MYO3A: variants seen among roughly 807,000 people sequenced by gnomAD.
MYO3A encodes the protein myosin-IIIa.
A neutral mutation model predicts 192.7 loss-of-function variants in MYO3A; 180 were observed. The observed-to-expected ratio is 0.93, with a 90% CI of 0.83 to 1.06. The LOEUF (loss-of-function observed/expected upper bound fraction) is 1.06, where lower values mean the gene tolerates loss of function less well. Ranked by LOEUF, MYO3A falls within the 50% of genes least tolerant of loss-of-function variation. The pLI is 0.00. For missense variants in MYO3A, 1,896 were observed against 1,905.0 expected (o/e 1.00, Z 0.09); for synonymous variants, 628 against 645.3 (o/e 0.97, Z 0.41).
At chr10:25,962,228 T>A (rs975168030) in intron 4 of MYO3A, among the ~76,000 whole-genome samples, 1 of 152,150 alleles carries the variant, frequency 6.6e-6, no homozygotes, top group African/African-American at 2.4e-5. Context: ...TCTGATATGA[T>A]TTTTCTCTTT....
In MYO3A at chr10:26,120,789, A is replaced by G; in HGVS notation, c.1890A>G (p.Thr630=). The G allele has an allele frequency of 1.9e-6, 3 of 1,614,128 alleles. No individual in the cohort carries two copies. Among genetic ancestry groups the G allele is most frequent in the Non-Finnish European group, 2.5e-6 (3 of 1,180,002 alleles). ...ACAAGAGCCACATTTCTAATCATAC[A>G]GCCCTGGAGAACTGTAAGTTTTATT... ...QIDKSHISNH[T]ALENCASLLC... The change falls in exon 18 of 35, where the codon ACA becomes ACG. Residue 630 remains threonine, a synonymous_variant. Transcript: ENST00000642920.
At chr10:26,006,337 C>A (rs1009400343) in intron 6 of MYO3A, among the ~76,000 whole-genome samples, 5 of 151,994 alleles carry the variant, frequency 3.3e-5, no homozygotes, top group Non-Finnish European at 1.5e-5. Flanking sequence ...AAGCAAGAGC[C>A]AACACATTCA....
At chr10:26,152,323 A>G (rs1840842321) in intron 23 of MYO3A, among the ~76,000 whole-genome samples, 1 of 152,256 alleles carries the variant, frequency 6.6e-6, no homozygotes, top group African/African-American at 2.4e-5. Flanking sequence ...ACTCCTAATA[A>G]CAACACAATA....
chr10:25,986,136 CA>C (rs1588706287), intron 4 of MYO3A, among the ~76,000 whole-genome samples: 2 of 152,190 alleles, frequency 1.3e-5, no homozygotes, highest in East Asian at 3.9e-4. Flanking sequence ...GCAGAAAAAG[CA>C]TTTGACAAAA....
chr10:26,099,778 A>G (rs1027026860), intron 17 of MYO3A, among the ~76,000 whole-genome samples: 8 of 152,168 alleles, frequency 5.3e-5, no homozygotes, highest in Admixed American at 2.0e-4. Context: ...ATCATGGTGG[A>G]TAAGCTTTTT....
At chr10:26,157,853 TCAAAA>T (rs1841237423) in intron 26 of MYO3A, among the ~76,000 whole-genome samples, 1 of 152,132 alleles carries the variant, frequency 6.6e-6, no homozygotes, top group Non-Finnish European at 1.5e-5. Context: ...ATTTTGCCCC[TCAAAA>T]GACACTTGGC....
intron 31 of MYO3A, among the ~76,000 whole-genome samples, chr10:26,179,732 AG>A (rs1842527137): frequency 6.6e-6 from 1 of 152,242 alleles, no homozygotes; most frequent in Non-Finnish European, 1.5e-5. Context: ...TGAGAAAAAA[AG>A]AAAGAAAAAT....
chr10:26,049,661 CTTTCTTTCTTTCTT>C (rs1239395309), intron 10 of MYO3A, among the ~76,000 whole-genome samples: 5,002 of 102,544 alleles, frequency 0.049, 43 homozygotes, highest in Middle Eastern at 0.071. Flanking sequence ...TTCTTTCTTT[CTTTCTTTCTTTCTT>C]TTTTTTTTTT....
chr10:26,052,444 G>A (rs1844059463), intron 10 of MYO3A, among the ~76,000 whole-genome samples: 2 of 152,128 alleles, frequency 1.3e-5, no homozygotes, highest in South Asian at 4.1e-4. Flanking sequence ...TCACCAGGCT[G>A]GTGTGTGCTT....
chr10:26,183,585 G>A (rs890457674), intron 31 of MYO3A, among the ~76,000 whole-genome samples: 1 of 152,086 alleles, frequency 6.6e-6, no homozygotes, highest in African/African-American at 2.4e-5. Flanking sequence ...AAGGATCTGG[G>A]TATTAATTCA....
At chr10:25,937,665 T>C (rs1836181517) in intron 2 of MYO3A, among the ~76,000 whole-genome samples, 1 of 152,206 alleles carries the variant, frequency 6.6e-6, no homozygotes, top group Non-Finnish European at 1.5e-5. Context: ...AAGGAAATTA[T>C]AGTCTTTCTT....
intron 24 of MYO3A, among the ~76,000 whole-genome samples, chr10:26,154,380 A>G (rs1050959767): frequency 4.6e-5 from 7 of 152,160 alleles, no homozygotes; most frequent in South Asian, 4.1e-4. Context: ...GGATTTCACC[A>G]TGTTGGCCAG....
chr10:25,966,432 A>C (rs1281488914), intron 4 of MYO3A, among the ~76,000 whole-genome samples: 2 of 152,196 alleles, frequency 1.3e-5, no homozygotes, highest in Non-Finnish European at 2.9e-5. Context: ...CTAAATTTAA[A>C]AGTGGTTATT....
chr10:25,942,281 C>A (rs1461815163), intron 2 of MYO3A, among the ~76,000 whole-genome samples: 1 of 152,202 alleles, frequency 6.6e-6, no homozygotes, highest in Non-Finnish European at 1.5e-5. Flanking sequence ...GGATTACAGG[C>A]ATGAACCACC....
At chr10:26,048,720 A>C (rs1320900233) in intron 10 of MYO3A, among the ~76,000 whole-genome samples, 2 of 152,182 alleles carry the variant, frequency 1.3e-5, no homozygotes, top group Non-Finnish European at 2.9e-5. Flanking sequence ...GTCCTGCTAA[A>C]TTTGATATGC....
At chr10:26,104,572 G>A (rs573360674) in intron 17 of MYO3A, among the ~76,000 whole-genome samples, 3 of 151,916 alleles carry the variant, frequency 2.0e-5, no homozygotes, top group South Asian at 2.1e-4. Context: ...CATGAGTATC[G>A]CAGCTATGTA....
At chr10:26,033,008 A>G (rs545902885) in intron 10 of MYO3A, among the ~76,000 whole-genome samples, 1 of 152,304 alleles carries the variant, frequency 6.6e-6, no homozygotes, top group Admixed American at 6.5e-5. Context: ...AGATACTTCA[A>G]ACTCAACATG....
chr10:26,160,866 T>C (rs1841452648), intron 26 of MYO3A, among the ~76,000 whole-genome samples: 1 of 152,166 alleles, frequency 6.6e-6, no homozygotes, highest in Non-Finnish European at 1.5e-5. Context: ...GAAGAGAGCC[T>C]TGAATACCAG....
intron 6 of MYO3A, among the ~76,000 whole-genome samples, chr10:26,004,053 A>T (rs564458365): frequency 6.6e-6 from 1 of 152,274 alleles, no homozygotes; most frequent in East Asian, 1.9e-4. Context: ...ATAATTTAGA[A>T]CAAAAGCCAT....
Sources: allele counts gnomAD v4.1 joint callset (sites outside exome capture counted in the v4.1 genomes callset), GRCh38; gene constraint gnomAD v4.1.1; transcripts MANE v1.5; gene names NCBI Gene and HGNC (gene_info 2026-07-23, HGNC 2026-07-21).